The following LDHB variants were observed in gnomAD, a reference collection of about 807,000 sequenced individuals.
LDHB encodes the protein lactate dehydrogenase B.
A neutral mutation model predicts 33.4 loss-of-function variants in LDHB; 18 were observed. That is an observed-to-expected ratio of 0.54 (90% CI 0.37 to 0.80). The LOEUF (loss-of-function observed/expected upper bound fraction) is 0.80, where lower values mean the gene tolerates loss of function less well. LDHB is among the 30% of genes least tolerant of loss of function. The probability of loss-of-function intolerance (pLI) is 0.00; values close to 1 mark genes in which losing one functional copy is unlikely to be tolerated. For missense variants in LDHB, 345 were observed against 407.9 expected (o/e 0.85, Z 1.33); for synonymous variants, 121 against 140.6 (o/e 0.86, Z 0.98).
Position 21,654,650 on chromosome 12 carries a change from G to A in LDHB, c.22C>T (p.Leu8Phe), listed in dbSNP as rs200724789. ...TCTTCTTCCGCAACTGGTGCAATGA[G>A]TTTTTCCTTAAGAGTTGCCATTTTG... MATLKEK[L>F]IAPVAEEEAT... The change falls in exon 2 of 8, where the codon CTC (leucine) becomes TTC (phenylalanine). Residue 8 changes from leucine (L) to phenylalanine (F), a missense_variant. Physicochemically the swap from Leu to Phe is conservative, Grantham distance 22. Transcript: ENST00000350669. The A allele has an allele frequency of 6.8e-6, 11 of 1,613,876 alleles. No homozygotes were observed. In the Admixed American group the frequency reaches 1.3e-4, roughly 20 times the overall value.
At chr12:21,641,222 A>G (rs1369048257) in intron 5 of LDHB, among the ~76,000 whole-genome samples, 1 of 152,156 alleles carries the variant, frequency 6.6e-6, no homozygotes, top group Non-Finnish European at 1.5e-5. Context: ...CTGGCAAAAT[A>G]CAACCTTAAC....
intron 7 of LDHB, among the ~76,000 whole-genome samples, 191 bp from the exon 8 acceptor site, chr12:21,635,900 T>A (rs1466086324): frequency 6.6e-6 from 1 of 152,032 alleles, no homozygotes; most frequent in Admixed American, 6.6e-5. Flanking sequence ...AAAAAGAGAA[T>A]AATCAAAGGT....
intron 2 of LDHB, among the ~76,000 whole-genome samples, chr12:21,649,159 A>G (rs1286398741): frequency 1.3e-5 from 2 of 152,200 alleles, no homozygotes; most frequent in East Asian, 3.8e-4. Flanking sequence ...TTTTAGTAAC[A>G]TCACATGTGT....
intron 2 of LDHB, among the ~76,000 whole-genome samples, chr12:21,648,209 T>G (rs948105747): frequency 1.3e-5 from 2 of 152,088 alleles, no homozygotes; most frequent in African/African-American, 4.8e-5. Context: ...AGCAAAAATA[T>G]CAGCTAAGTA....
In LDHB at chr12:21,636,556, AATT is replaced by A. The variant is rs1186077058; in HGVS notation, c.837+512_837+514del. 2.6e-5 allele frequency among the ~76,000 whole-genome samples: 4 copies of A among 152,114 alleles called. No homozygotes were observed. The East Asian group carries it at 5.8e-4, about 22-fold the overall frequency. On this transcript the variant is annotated intron_variant, in intron 7 of 7. Transcript: ENST00000350669. ...GTACCCAAAGACTCAGTAATTACCCAATTATTGACACACTTGATTTACACTGAC... is the reference window on the plus strand; with the variant it reads ...GTACCCAAAGACTCAGTAATTACCCAATTGACACACTTGATTTACACTGAC...
chr12:21,637,291 TG>T, intron 6 of LDHB, 97 bp from the exon 7 acceptor site: 1 of 932,508 alleles, frequency 1.1e-6, no homozygotes, highest in South Asian at 1.3e-5. Context: ...ACTATAATCT[TG>T]GGCAAATTAT....
At chr12:21,642,546 C>T (rs951557733) in intron 4 of LDHB, among the ~76,000 whole-genome samples, 25 of 152,108 alleles carry the variant, frequency 1.6e-4, no homozygotes, top group African/African-American at 5.6e-4. Flanking sequence ...TACTAAACTA[C>T]CAAATCTTGC....
chr12:21,642,253 A>C, intron 4 of LDHB, 128 bp from the exon 5 acceptor site: 1 of 687,686 alleles, frequency 1.5e-6, no homozygotes, highest in East Asian at 2.7e-5. Context: ...CAGAAAGATT[A>C]AAGTAAATAC....
chr12:21,646,898 C>A lies in LDHB; in HGVS notation c.247+1G>T. 6.3e-7 allele frequency: 1 copy of A among 1,578,512 alleles called. No individual in the cohort carries two copies. Among genetic ancestry groups the A allele is most frequent in the South Asian group, 1.1e-5 (1 of 90,394 alleles). On this transcript the variant is annotated splice_donor_variant, in intron 3 of 7. Transcript: ENST00000350669. LOFTEE classifies it high-confidence loss of function. ...TCACTTTGGGCATTAAGTGAAATTACCTTTATCTGCCACAATTTTAGGTGT... is the reference window on the plus strand; with the variant it reads ...TCACTTTGGGCATTAAGTGAAATTAACTTTATCTGCCACAATTTTAGGTGT...
intron 3 of LDHB, among the ~76,000 whole-genome samples, chr12:21,644,424 C>CAAAAAAAAAAAAAAAAAA (rs72491634): frequency 5.7e-3 from 84 of 14,768 alleles, no homozygotes; most frequent in East Asian, 0.016. Flanking sequence ...AGGTAGACAT[C>CAAAAAAAAAAAAAAAAAA]AAAAAAAAAA....
chr12:21,648,535 T>G (rs1591833315), intron 2 of LDHB, among the ~76,000 whole-genome samples: 8 of 150,878 alleles, frequency 5.3e-5, no homozygotes, highest in East Asian at 3.9e-4. Flanking sequence ...AGGGTATTAA[T>G]GGGGGGGAGG....
chr12:21,648,502 A>G (rs895123723), intron 2 of LDHB, among the ~76,000 whole-genome samples: 7 of 149,778 alleles, frequency 4.7e-5, no homozygotes, highest in Non-Finnish European at 8.9e-5. Flanking sequence ...TAAGAATAGT[A>G]GTGTGATCAG....
rs566221397 is a variant in LDHB at position 21,657,741 on chromosome 12, C to T, written c.-7+10G>A. 6.6e-6 allele frequency: 1 copy of T among 152,462 alleles called. No individual in the cohort carries two copies. Among genetic ancestry groups the T allele is most frequent in the African/African-American group, 2.4e-5 (1 of 41,574 alleles). The allele number at this position is 152,462 out of a possible 1,614,324, so 9.4% of individuals were successfully genotyped here. ...TGGGCCAGGATTCAGGGTCCTGAGC[C>T]GAAACCTACCAGGAGAGAGAAGGCT... On this transcript the variant is annotated intron_variant, in intron 1 of 7. Transcript: ENST00000350669.
At chr12:21,645,242 G>GCCAGC (rs1938487963) in intron 3 of LDHB, among the ~76,000 whole-genome samples, 1 of 151,800 alleles carries the variant, frequency 6.6e-6, no homozygotes, top group African/African-American at 2.4e-5. Context: ...ACTATGGAAG[G>GCCAGC]CCGCAGGGAC....
intron 3 of LDHB, among the ~76,000 whole-genome samples, chr12:21,644,899 A>G (rs923063532): frequency 6.6e-6 from 1 of 152,178 alleles, no homozygotes; most frequent in African/African-American, 2.4e-5. Context: ...TATACATAAT[A>G]GCTATTATTT....
At chr12:21,646,816 T>C (rs1938539180) in intron 3 of LDHB, 83 bp downstream of exon 3, 2 of 813,028 alleles carry the variant, frequency 2.5e-6, no homozygotes, top group Non-Finnish European at 4.4e-6. Context: ...CAAATAAATC[T>C]ATTATGCTGT....
At chr12:21,654,349 A>C (rs1415945104) in intron 2 of LDHB, 194 bp downstream of exon 2, 1 of 593,886 alleles carries the variant, frequency 1.7e-6, no homozygotes, top group East Asian at 2.9e-5. Context: ...ATTTATGGTC[A>C]CATAGGGAGA....
rs188865828 is a variant in LDHB at position 21,643,363 on chromosome 12, A to T, written c.421+572T>A. On this transcript the variant is annotated intron_variant, in intron 4 of 7. Transcript: ENST00000350669. ...TTAGCTGTTAAGGCTAAAAAAGTGCATTCTTTCTAGTCAGAAGGTTTAATG... is the reference window on the plus strand; with the variant it reads ...TTAGCTGTTAAGGCTAAAAAAGTGCTTTCTTTCTAGTCAGAAGGTTTAATG... Among the ~76,000 whole-genome samples the T allele has an allele frequency of 4.9e-3, 743 of 152,368 alleles. 4 individuals carry two copies. The highest frequency in any genetic ancestry group is 8.2e-3 in the Non-Finnish European group (555 of 68,018).
At chr12:21,641,810 A>G in intron 5 of LDHB, 142 bp downstream of exon 5, 1 of 673,768 alleles carries the variant, frequency 1.5e-6, no homozygotes, top group Non-Finnish European at 2.5e-6. Context: ...AGCAAAATGG[A>G]ATAGAATAGA....
Sources: allele counts gnomAD v4.1 joint callset (sites outside exome capture counted in the v4.1 genomes callset), GRCh38; gene constraint gnomAD v4.1.1; transcripts MANE v1.5; gene names NCBI Gene and HGNC (gene_info 2026-07-23, HGNC 2026-07-21).